Variants in TCERG1L observed in about 807,000 individuals in gnomAD.
The protein encoded by TCERG1L is transcription elongation regulator 1-like protein.
TCERG1L carries 37 observed loss-of-function variants against 56.3 expected under a neutral mutation model. The observed-to-expected ratio is 0.66, with a 90% CI of 0.51 to 0.87. The LOEUF is 0.87. TCERG1L is among the 40% of genes least tolerant of loss of function. The pLI, the probability that TCERG1L is intolerant of heterozygous loss-of-function variation, is 0.00. For missense variants in TCERG1L, 799 were observed against 774.2 expected, an observed-to-expected ratio of 1.03 and a Z score of -0.38; for synonymous variants, 324 against 326.3, an observed-to-expected ratio of 0.99 and a Z score of 0.08.
intron 3 of TCERG1L, among the ~76,000 whole-genome samples, chr10:131,303,898 G>A (rs561155644): frequency 6.6e-6 from 1 of 152,028 alleles, no homozygotes; most frequent in Non-Finnish European, 1.5e-5. Flanking sequence ...ATAGGCAAAA[G>A]TTGTTTTGCC....
intron 4 of TCERG1L, among the ~76,000 whole-genome samples, chr10:131,233,477 C>A (rs558550926): frequency 1.3e-5 from 2 of 151,508 alleles, no homozygotes; most frequent in Non-Finnish European, 2.9e-5. Context: ...CACACACAGA[C>A]ACGCACACAC....
intron 4 of TCERG1L, among the ~76,000 whole-genome samples, chr10:131,244,630 C>T (rs765956228): frequency 1.4e-4 from 22 of 152,132 alleles, no homozygotes; most frequent in African/African-American, 2.4e-4. Context: ...GCCAGGACTT[C>T]GGTCTCAGTA....
chr10:131,117,215 G>A (rs748122740), intron 8 of TCERG1L, among the ~76,000 whole-genome samples: 4 of 152,162 alleles, frequency 2.6e-5, no homozygotes, highest in South Asian at 2.1e-4. Flanking sequence ...ACATACACTG[G>A]CTGCCAACCG....
intron 6 of TCERG1L, among the ~76,000 whole-genome samples, chr10:131,148,365 C>T (rs1370865928): frequency 2.1e-5 from 1 of 47,976 alleles, no homozygotes; most frequent in African/African-American, 3.9e-5. Flanking sequence ...GACACACATG[C>T]ACACAGACAT....
chr10:131,202,613 T>C (rs998028463), intron 4 of TCERG1L, among the ~76,000 whole-genome samples: 9 of 152,126 alleles, frequency 5.9e-5, no homozygotes, highest in Non-Finnish European at 1.3e-4. Flanking sequence ...ACAGATTTTT[T>C]CAAGTTCACT....
rs138983047 is a variant in TCERG1L, at chr10:131,191,613, A to G, written c.857-24728T>C. On this transcript the variant is annotated intron_variant, in intron 4 of 11. Coordinates refer to ENST00000368642, the MANE Select transcript of TCERG1L (RefSeq NM_174937.4). ...ACAGCCAACTGATCTTCAACAAAGC[A>G]TAAATTGCAAAGGTGCTGGGAAGAC... Among the ~76,000 whole-genome samples the G allele has an allele frequency of 4.3e-3, 620 of 142,672 alleles. 86 individuals carry two copies. Among genetic ancestry groups the G allele is most frequent in the Non-Finnish European group, 6.1e-3 (398 of 64,734 alleles). 93.6% of individuals were successfully genotyped at this position (142,672 alleles called of 152,430 possible).
At chr10:131,145,120 T>G (rs1295966534) in intron 7 of TCERG1L, among the ~76,000 whole-genome samples, 1 of 152,232 alleles carries the variant, frequency 6.6e-6, no homozygotes, top group Non-Finnish European at 1.5e-5. Flanking sequence ...GAGTGAGGAA[T>G]CTGCCAGCAT....
chr10:131,173,489 C>T (rs775941968), intron 4 of TCERG1L, among the ~76,000 whole-genome samples: 2 of 152,170 alleles, frequency 1.3e-5, no homozygotes, highest in South Asian at 2.1e-4. Flanking sequence ...CTGAATGAGG[C>T]GTGGTGACTG....
At chr10:131,204,569 CCA>C (rs1845495579) in intron 4 of TCERG1L, among the ~76,000 whole-genome samples, 1 of 152,372 alleles carries the variant, frequency 6.6e-6, no homozygotes, top group East Asian at 1.9e-4. Flanking sequence ...GCAGCGGTGG[CCA>C]CAGTCACTGT....
chr10:131,162,783 T>G, intron 6 of TCERG1L: 1 of 199,674 alleles, frequency 5.0e-6, no homozygotes, highest in East Asian at 1.2e-4. Context: ...TCAGTTACGA[T>G]TCTTCTTGGA....
intron 9 of TCERG1L, among the ~76,000 whole-genome samples, chr10:131,111,257 G>A (rs1845411610): frequency 7.0e-6 from 1 of 142,312 alleles, no homozygotes. Flanking sequence ...TGTCTGCACC[G>A]TCCGCCCCCA....
chr10:131,253,687 ATC>A (rs1846136700), intron 4 of TCERG1L, among the ~76,000 whole-genome samples: 1 of 152,162 alleles, frequency 6.6e-6, no homozygotes, highest in South Asian at 2.1e-4. Flanking sequence ...TCTCTGCACC[ATC>A]TCATAGAGAA....
At chr10:131,201,422 C>T (rs772970407) in intron 4 of TCERG1L, among the ~76,000 whole-genome samples, 12 of 152,260 alleles carry the variant, frequency 7.9e-5, no homozygotes, top group East Asian at 7.7e-4. Flanking sequence ...GGGAGCACAG[C>T]GCCAAGAGTT....
At chr10:131,193,458 T>C (rs1392149326) in intron 4 of TCERG1L, among the ~76,000 whole-genome samples, 2 of 152,358 alleles carry the variant, frequency 1.3e-5, no homozygotes, top group Middle Eastern at 3.4e-3. Flanking sequence ...GGTTTTCTTA[T>C]AGTATTTTTA....
rs191475145 is a variant in TCERG1L, at chr10:131,154,590, A to G, written c.1035-7930T>C. Among the ~76,000 whole-genome samples the G allele has an allele frequency of 1.5e-3, 224 of 152,198 alleles. 2 individuals carry two copies. The highest frequency in any genetic ancestry group is 5.1e-3 in the African/African-American group (213 of 41,544). On this transcript the variant is annotated intron_variant, in intron 6 of 11. Transcript: ENST00000368642. ...CTCCCCACCTTTTCTGGGGTTTTGT[A>G]TCTGGGAAGGGCCCAACCTAGGCAG...
intron 3 of TCERG1L, among the ~76,000 whole-genome samples, chr10:131,281,081 C>G (rs868711957): frequency 2.0e-5 from 3 of 152,310 alleles, no homozygotes; most frequent in Middle Eastern, 6.8e-3. Context: ...TTATCCAAAG[C>G]CTGCATCAAT....
chr10:131,158,181 GTACCAGCTCCTGC>G (rs1384171211), intron 6 of TCERG1L, among the ~76,000 whole-genome samples: 5 of 152,264 alleles, frequency 3.3e-5, no homozygotes, highest in African/African-American at 4.8e-5. Flanking sequence ...CTAGCAGGGA[GTACCAGCTCCTGC>G]AGGGAATGGG....
chr10:131,115,224 G>A (rs1845445061), intron 9 of TCERG1L, among the ~76,000 whole-genome samples: 1 of 152,244 alleles, frequency 6.6e-6, no homozygotes, highest in African/African-American at 2.4e-5. Context: ...GGATAAAGAA[G>A]AGTCCGTGAA....
At chr10:131,109,308 G>A (rs915617900) in intron 9 of TCERG1L, among the ~76,000 whole-genome samples, 4 of 152,044 alleles carry the variant, frequency 2.6e-5, no homozygotes, top group Admixed American at 6.5e-5. Context: ...GCTGTACATC[G>A]TCACATCACG....
Sources: gnomAD v4.1 joint callset for allele counts (sites outside exome capture counted in the v4.1 genomes callset) on GRCh38, gnomAD v4.1.1 for gene constraint, MANE v1.5 for transcripts, NCBI Gene and HGNC (gene_info 2026-07-23, HGNC 2026-07-21) for gene names.